CBX7: variants seen among roughly 807,000 people sequenced by gnomAD.
The protein encoded by CBX7 is chromobox protein homolog 7.
A neutral mutation model predicts 31.4 loss-of-function variants in CBX7; 14 were observed. The observed-to-expected ratio is 0.45, with a 90% CI of 0.29 to 0.70. CBX7 has a LOEUF of 0.70. Ranked by LOEUF, CBX7 falls within the 30% of genes least tolerant of loss-of-function variation. The pLI is 0.11. For missense variants in CBX7, 269 were observed against 351.9 expected (o/e 0.76, Z 1.89); for synonymous variants, 159 against 152.6 (o/e 1.04, Z -0.31).
chr22:39,139,948 C>T (rs1007283673), intron 3 of CBX7, among the ~76,000 whole-genome samples: 1 of 151,686 alleles, frequency 6.6e-6, no homozygotes, highest in Non-Finnish European at 1.5e-5. Context: ...AAAAAAAGCA[C>T]AACTTGACAA....
Position 39,152,545 on chromosome 22 carries a change from T to C in CBX7, c.-101A>G, listed in dbSNP as rs892425884. ...GATGCTGGGGCTGGCGGGGTCCCCG[T>C]CACCCTCGTCCGGGCGCGCACGCGC... On this transcript the variant is annotated 5_prime_UTR_variant, in exon 1 of 6. The change abolishes the stop of an existing upstream ORF in the 5' untranslated region. Transcript: ENST00000216133. The surrounding 1 kb of genome is among the most constrained non-coding windows in gnomAD (Gnocchi z 4.9). The C allele has an allele frequency of 7.2e-6, 3 of 415,386 alleles. No homozygotes were observed. Among genetic ancestry groups the C allele is most frequent in the African/African-American group, 6.5e-5 (3 of 45,820 alleles). 25.7% of individuals were successfully genotyped at this position (415,386 alleles called of 1,614,324 possible).
intron 1 of CBX7, among the ~76,000 whole-genome samples, chr22:39,151,440 G>C (rs563324624): frequency 2.0e-4 from 30 of 152,104 alleles, no homozygotes; most frequent in Non-Finnish European, 4.3e-4. Context: ...TAACTTGCTC[G>C]GTGACCTTGA....
At position 39,152,185 on chromosome 22, in the gene CBX7, A is replaced by G. The variant is rs1416699498; in HGVS notation, c.69+191T>C. ...GCCGCCACTAGCATCCTGGAGCGAC[A>G]ACTTTTGTTCTACTCGCCCTACACG... On this transcript the variant is annotated intron_variant, in intron 1 of 5. Transcript: ENST00000216133. The surrounding 1 kb of genome is among the most constrained non-coding windows in gnomAD (Gnocchi z 4.9). Among the ~76,000 whole-genome samples, 1 of 151,950 alleles carries G rather than the reference A, an allele frequency of 6.6e-6. No homozygotes were observed. The highest frequency in any genetic ancestry group is 1.5e-5 in the Non-Finnish European group (1 of 67,966).
At chr22:39,141,127 G>C (rs968197526) in intron 3 of CBX7, 9 of 487,338 alleles carry the variant, frequency 1.8e-5, no homozygotes, top group South Asian at 1.8e-4. Flanking sequence ...TGACAGCAGA[G>C]AGACTGAGGC....
At chr22:39,141,309 G>A in intron 3 of CBX7, 62 bp downstream of exon 3, 2 of 1,451,606 alleles carry the variant, frequency 1.4e-6, no homozygotes, top group South Asian at 1.2e-5. Flanking sequence ...GCCAGCAGCA[G>A]GCTCCTGGGA....
chr22:39,142,666 T>C (rs1348538756), intron 2 of CBX7, among the ~76,000 whole-genome samples: 2 of 152,248 alleles, frequency 1.3e-5, no homozygotes, highest in Admixed American at 6.5e-5. Flanking sequence ...TTGGTTTAAA[T>C]TATTTTAAAA....
intron 2 of CBX7, among the ~76,000 whole-genome samples, chr22:39,142,596 C>G (rs1452223103): frequency 6.6e-6 from 1 of 152,230 alleles, no homozygotes; most frequent in African/African-American, 2.4e-5. Context: ...GTGACACCCA[C>G]CACACCCTCG....
At chr22:39,145,750 G>C (rs1262313974) in intron 2 of CBX7, among the ~76,000 whole-genome samples, 1 of 150,972 alleles carries the variant, frequency 6.6e-6, no homozygotes, top group African/African-American at 2.4e-5. Flanking sequence ...GACAGGGACG[G>C]CGCGCGCCGG....
In CBX7 at chr22:39,133,859, G is replaced by A; in HGVS notation, c.*32C>T. 1 of 1,547,772 alleles carries A rather than the reference G, an allele frequency of 6.5e-7. No individual in the cohort carries two copies. The highest frequency in any genetic ancestry group is 8.8e-7 in the Non-Finnish European group (1 of 1,139,494). Reference sequence around the variant, plus strand: ...TGGAAGTCCCACCCCAAGCCCAAAAGAAAACAGTTTAAGAAGAGTAAAAAC... The same window carrying A: ...TGGAAGTCCCACCCCAAGCCCAAAAAAAAACAGTTTAAGAAGAGTAAAAAC... On this transcript the variant is annotated 3_prime_UTR_variant, in exon 6 of 6. Coordinates refer to ENST00000216133, the MANE Select transcript of CBX7 (RefSeq NM_175709.5).
chr22:39,152,281 C>G lies in CBX7; in HGVS notation c.69+95G>C, dbSNP rs1188231768. On this transcript the variant is annotated intron_variant, in intron 1 of 5. Transcript: ENST00000216133. This position sits in a 1 kb window ranked among gnomAD's most constrained non-coding sequence, Gnocchi z 4.9. The stretch of plus-strand genomic sequence containing the variant: ...CGCAGGGCTGCCGGGGCCCCCGCGC[C>G]CCGCTTTCCCCTTCAGCCCCAGCGT... The G allele has an allele frequency of 1.2e-6, 1 of 805,488 alleles. No individual in the cohort carries two copies. The highest frequency in any genetic ancestry group is 4.8e-5 in the Admixed American group (1 of 20,732). 49.9% of individuals were successfully genotyped at this position (805,488 alleles called of 1,614,324 possible).
chr22:39,144,264 T>C (rs1022540708), intron 2 of CBX7, among the ~76,000 whole-genome samples: 5 of 152,150 alleles, frequency 3.3e-5, no homozygotes, highest in African/African-American at 1.2e-4. Context: ...GGCTGCCCCT[T>C]CCCATGTGCC....
rs1211581009 is a variant in CBX7, at chr22:39,152,077, A to G, written c.69+299T>C. Among the ~76,000 whole-genome samples, 3 of 152,112 alleles carry G rather than the reference A, an allele frequency of 2.0e-5. No homozygotes were observed. Among genetic ancestry groups the G allele is most frequent in the Non-Finnish European group, 4.4e-5 (3 of 68,010 alleles). ...TTTCAACTTGGGCCTCAGTCTCCCCATATTTACAATAAAAGGGGAGCGAGG... is the reference window on the plus strand; with the variant it reads ...TTTCAACTTGGGCCTCAGTCTCCCCGTATTTACAATAAAAGGGGAGCGAGG... On this transcript the variant is annotated intron_variant, in intron 1 of 5. Coordinates refer to ENST00000216133, the MANE Select transcript of CBX7 (RefSeq NM_175709.5). The surrounding 1 kb of genome is among the most constrained non-coding windows in gnomAD (Gnocchi z 4.9).
Position 39,134,520 on chromosome 22 carries a change from C to A in CBX7, c.479G>T (p.Gly160Val). Residue 160 changes from glycine to valine, a missense_variant, in exon 5 of 6, where the codon GGG (glycine) becomes GTG (valine). Transcript: ENST00000216133. ...ATGGCTGTGGCTCTCCAGGTTGGGCCCGCGGGGCGGGAACTTCTTGCGCGA... is the reference window on the plus strand; with the variant it reads ...ATGGCTGTGGCTCTCCAGGTTGGGCACGCGGGGCGGGAACTTCTTGCGCGA... ...RLSRKKFPPR[G>V]PNLESHSHRR... The A allele has an allele frequency of 6.2e-7, 1 of 1,612,004 alleles. No homozygotes were observed. The highest frequency in any genetic ancestry group is 1.1e-5 in the South Asian group (1 of 90,924).
chr22:39,134,712 T>C lies in CBX7; in HGVS notation c.287A>G (p.Lys96Arg). Residue 96 changes from lysine (K) to arginine (R), a missense_variant, in exon 5 of 6, where the codon AAG becomes AGG. By Grantham distance (26) the Lys-to-Arg change is conservative. This residue lies in a region of CBX7 where 222 missense variants were observed against 240.4 expected (regional missense o/e 0.92). Coordinates refer to ENST00000216133, the MANE Select transcript of CBX7 (RefSeq NM_175709.5). ...SMDLRSSHKA[K>R]GKEKLCFSLT... ...GGAGAAGCAGAGCTTCTCCTTGCCC[T>C]TGGCCTTGTGGGAGCTCCGCAGGTC... is the stretch of plus-strand genomic sequence containing the variant. 1 of 1,571,566 alleles carries C rather than the reference T, an allele frequency of 6.4e-7. No individual in the cohort carries two copies. Among genetic ancestry groups the C allele is most frequent in the Non-Finnish European group, 8.6e-7 (1 of 1,156,800 alleles).
At chr22:39,144,602 C>G (rs1178414510) in intron 2 of CBX7, among the ~76,000 whole-genome samples, 1 of 152,214 alleles carries the variant, frequency 6.6e-6, no homozygotes, top group Non-Finnish European at 1.5e-5. Flanking sequence ...GGCTGGCAGA[C>G]ACTCTAACCC....
At chr22:39,136,044 C>T (rs779296693) in intron 4 of CBX7, 15 of 148,738 alleles carry the variant, frequency 1.0e-4, no homozygotes, top group Non-Finnish European at 1.8e-4. Context: ...GAGCAGAGAT[C>T]GCACCACTGT....
In CBX7 at chr22:39,149,809, C is replaced by T; in HGVS notation, c.93G>A (p.Lys31=). The T allele has an allele frequency of 6.2e-7, 1 of 1,613,988 alleles. No homozygotes were observed. Among genetic ancestry groups the T allele is most frequent in the Non-Finnish European group, 8.5e-7 (1 of 1,179,930 alleles). ...VRKGKVEYLV[K]WKGWPPKYST... is the part of the protein sequence containing the mutation. Reference sequence around the variant, plus strand: ...CTTACTTTGGGGGCCATCCTTTCCACTTCACCAGATACTCGACTTTACCCT... The same window carrying T: ...CTTACTTTGGGGGCCATCCTTTCCATTTCACCAGATACTCGACTTTACCCT... The change falls in exon 2 of 6, where the codon AAG becomes AAA. Residue 31 remains lysine, a synonymous_variant. Transcript: ENST00000216133.
rs1348449308 is a variant in CBX7, at chr22:39,132,202, C to G, written c.*1689G>C. 1 of 152,292 alleles carries G rather than the reference C, an allele frequency of 6.6e-6. No homozygotes were observed. Among genetic ancestry groups the G allele is most frequent in the Non-Finnish European group, 1.5e-5 (1 of 68,112 alleles). The allele number at this position is 152,292 out of a possible 1,614,324, so 9.4% of individuals were successfully genotyped here. A position where few individuals can be genotyped will look rare whatever the true frequency, so the allele number is the denominator to read the frequency against. ...AGAGCACCCCATGCAGAAAGGGCTG[C>G]AGGCTGTCTTTGGTTTGGGAACCAG... On this transcript the variant is annotated 3_prime_UTR_variant, in exon 6 of 6. Transcript: ENST00000216133.
At chr22:39,147,230 A>C (rs896494549) in intron 2 of CBX7, 1 of 148,686 alleles carries the variant, frequency 6.7e-6, no homozygotes, top group African/African-American at 2.5e-5. Flanking sequence ...TGCCTGGCTA[A>C]TTTTTTATGC....
Sources: gnomAD v4.1 joint callset for allele counts (sites outside exome capture counted in the v4.1 genomes callset) on GRCh38, gnomAD v4.1.1 for gene constraint, gnomAD v4.1.1 regional missense constraint, Gnocchi (gnomAD v3.1) non-coding constraint, MANE v1.5 for transcripts, NCBI Gene and HGNC (gene_info 2026-07-23, HGNC 2026-07-21) for gene names.